EYS: variants seen among roughly 807,000 people sequenced by gnomAD.
The protein encoded by EYS is EGF-like photoreceptor maintenance factor, also known as protein eyes shut homolog.
Under a neutral mutation model 282.1 loss-of-function variants are expected in EYS, and 250 were observed. That is an observed-to-expected ratio of 0.89 (90% confidence interval 0.80 to 0.98). The LOEUF (loss-of-function observed/expected upper bound fraction) is 0.98. Ranked by LOEUF, EYS falls within the 50% of genes least tolerant of loss-of-function variation. The pLI, the probability that EYS is intolerant of heterozygous loss-of-function variation, is 0.00. For synonymous variants in EYS, 1,355 were observed against 1,282.9 expected (o/e 1.06, Z -1.20); for missense variants, 4,016 against 3,709.0 (o/e 1.08, Z -2.15).
chr6:64,129,460 C>A (rs1005862202), intron 31 of EYS, among the ~76,000 whole-genome samples: 7 of 152,112 alleles, frequency 4.6e-5, no homozygotes, highest in African/African-American at 1.7e-4. Flanking sequence ...ATCCTTTGCC[C>A]ACTTTTTGAT....
intron 22 of EYS, among the ~76,000 whole-genome samples, chr6:64,746,825 C>T (rs533734073): frequency 2.0e-4 from 31 of 152,260 alleles, no homozygotes; most frequent in African/African-American, 7.0e-4. Context: ...TGTCCAATGC[C>T]CTTTGGCATA....
chr6:64,772,129 T>C (rs1174245744), intron 22 of EYS, among the ~76,000 whole-genome samples: 2 of 151,760 alleles, frequency 1.3e-5, no homozygotes, highest in African/African-American at 4.8e-5. Flanking sequence ...ATATCTTTAT[T>C]CATCTTTTTG....
chr6:63,743,443 T>C (rs1297584802), intron 41 of EYS, among the ~76,000 whole-genome samples: 2 of 152,206 alleles, frequency 1.3e-5, no homozygotes, highest in Non-Finnish European at 2.9e-5. Flanking sequence ...TTGTTGGGCA[T>C]GTCTGGTAGA....
At chr6:64,264,920 G>C (rs1767705816) in intron 30 of EYS, among the ~76,000 whole-genome samples, 1 of 151,994 alleles carries the variant, frequency 6.6e-6, no homozygotes, top group South Asian at 2.1e-4. Flanking sequence ...AAAAAGAAAA[G>C]AGCTGCTAAG....
At chr6:64,186,274 C>CAT (rs1235072454) in intron 31 of EYS, among the ~76,000 whole-genome samples, 3 of 151,736 alleles carry the variant, frequency 2.0e-5, no homozygotes, top group Admixed American at 2.0e-4. Flanking sequence ...CACACACACA[C>CAT]ACACACACAC....
In EYS at chr6:65,169,679, G is replaced by C. The variant is rs531254896; in HGVS notation, c.2024-111952C>G. Among the ~76,000 whole-genome samples the C allele has an allele frequency of 2.0e-5, 3 of 151,382 alleles. No individual in the cohort carries two copies. The South Asian group carries it at 6.2e-4, about 31-fold the overall frequency. On this transcript the variant is annotated intron_variant, in intron 12 of 42. Transcript: ENST00000503581. ...AAAGGCAAAATTTTTTTTTGGGTGAGAGCAAGTCTATATATACTGACTTCT... is the reference window on the plus strand; with the variant it reads ...AAAGGCAAAATTTTTTTTTGGGTGACAGCAAGTCTATATATACTGACTTCT...
rs559390596 is a variant in EYS, at chr6:65,020,606, C to T, written c.2138-22903G>A. ...ACGGTGCAAGCTGTCAGTGGATTTA[C>T]CATTCTTGGGTCTGGAGGACTGTGG... On this transcript the variant is annotated intron_variant, in intron 13 of 42. Coordinates refer to ENST00000503581, the MANE Select transcript of EYS (RefSeq NM_001142800.2). Among the ~76,000 whole-genome samples, 4 of 152,260 alleles carry T rather than the reference C, an allele frequency of 2.6e-5. No individual in the cohort carries two copies. In the South Asian group the frequency reaches 8.3e-4, roughly 32 times the overall value.
chr6:65,548,062 C>T (rs1429249891), intron 2 of EYS, among the ~76,000 whole-genome samples: 1 of 152,102 alleles, frequency 6.6e-6, no homozygotes, highest in Non-Finnish European at 1.5e-5. Context: ...TTCACCCAGG[C>T]CCCTGAACTT....
intron 11 of EYS, among the ~76,000 whole-genome samples, chr6:65,327,150 C>A (rs1338525847): frequency 6.6e-6 from 1 of 151,538 alleles, no homozygotes; most frequent in Non-Finnish European, 1.5e-5. Context: ...TACTTTTTAT[C>A]TGGTTTAACA....
chr6:65,491,923 A>T (rs1766060607), intron 4 of EYS, among the ~76,000 whole-genome samples: 1 of 152,158 alleles, frequency 6.6e-6, no homozygotes, highest in Non-Finnish European at 1.5e-5. Context: ...ACAGATACAT[A>T]CAGAGAAATG....
At chr6:64,333,662 A>G (rs948712724) in intron 29 of EYS, among the ~76,000 whole-genome samples, 7 of 152,166 alleles carry the variant, frequency 4.6e-5, no homozygotes, top group African/African-American at 1.7e-4. Context: ...GAGCTCTCCT[A>G]GGACTTGGTA....
At chr6:64,844,248 T>C (rs149651522) in intron 19 of EYS, among the ~76,000 whole-genome samples, 1,767 of 152,258 alleles carry the variant, frequency 0.012, 36 homozygotes, top group African/African-American at 0.04. Flanking sequence ...CAATTTTGTG[T>C]ATATCGTCGT....
At chr6:64,632,066 T>TATAAC (rs3028242) in intron 22 of EYS, among the ~76,000 whole-genome samples, 90,538 of 151,194 alleles carry the variant, frequency 0.6, 27,220 homozygotes, top group South Asian at 0.68. Flanking sequence ...GGAACGATGT[T>TATAAC]ATGACTTTTT....
chr6:65,267,102 C>A (rs1455233295), intron 12 of EYS, among the ~76,000 whole-genome samples: 2 of 151,380 alleles, frequency 1.3e-5, no homozygotes, highest in Non-Finnish European at 2.9e-5. Context: ...CTCAAGCAGA[C>A]AAGTACCTCG....
At chr6:64,747,785 G>C (rs929263133) in intron 22 of EYS, among the ~76,000 whole-genome samples, 2 of 152,162 alleles carry the variant, frequency 1.3e-5, no homozygotes, top group African/African-American at 4.8e-5. Context: ...GAAAATTCTG[G>C]TTCTTTATAC....
intron 34 of EYS, among the ~76,000 whole-genome samples, chr6:63,993,013 T>C (rs1426573005): frequency 6.6e-6 from 1 of 151,688 alleles, no homozygotes; most frequent in African/African-American, 2.4e-5. Flanking sequence ...CTGCGTTCAT[T>C]CTCCTTCCTG....
chr6:64,646,932 G>A (rs999906034), intron 22 of EYS, among the ~76,000 whole-genome samples: 4 of 152,090 alleles, frequency 2.6e-5, no homozygotes, highest in Admixed American at 2.0e-4. Context: ...CTTTGTGACA[G>A]TTATGACAAA....
intron 29 of EYS, among the ~76,000 whole-genome samples, chr6:64,314,413 A>G (rs931621766): frequency 2.6e-5 from 4 of 152,204 alleles, no homozygotes; most frequent in African/African-American, 9.6e-5. Flanking sequence ...AAAGAGACTT[A>G]GACTCCCGCA....
chr6:65,219,565 A>AT (rs149748786), intron 12 of EYS, among the ~76,000 whole-genome samples: 1 of 152,048 alleles, frequency 6.6e-6, no homozygotes, highest in African/African-American at 2.4e-5. Context: ...GATTTACAAT[A>AT]TTTTTTTCCT....
Sources: gnomAD v4.1 joint callset for allele counts (sites outside exome capture counted in the v4.1 genomes callset) on GRCh38, gnomAD v4.1.1 for gene constraint, MANE v1.5 for transcripts, NCBI Gene and HGNC (gene_info 2026-07-23, HGNC 2026-07-21) for gene names.